The following ME3 variants were observed in gnomAD, a reference collection of about 807,000 sequenced individuals.
The protein encoded by ME3 is malic enzyme 3.
ME3 carries 48 observed loss-of-function variants against 68.9 expected under a neutral mutation model. The observed-to-expected ratio is 0.70, with a 90% confidence interval of 0.55 to 0.89. The LOEUF (loss-of-function observed/expected upper bound fraction) is 0.89. ME3 is among the 40% of genes least tolerant of loss of function. The pLI is 0.00. For synonymous variants in ME3, 320 were observed against 318.8 expected, an observed-to-expected ratio of 1.00 and a Z score of -0.04; for missense variants, 675 against 797.4, an observed-to-expected ratio of 0.85 and a Z score of 1.85.
chr11:86,614,500 C>T (rs558599795), intron 2 of ME3, among the ~76,000 whole-genome samples: 5 of 152,098 alleles, frequency 3.3e-5, no homozygotes, highest in Non-Finnish European at 4.4e-5. Context: ...ACCTGTTTTC[C>T]TTTCTGTCTG....
At chr11:86,593,188 T>A (rs1959154599) in intron 2 of ME3, among the ~76,000 whole-genome samples, 1 of 148,240 alleles carries the variant, frequency 6.7e-6, no homozygotes, top group Non-Finnish European at 1.5e-5. Context: ...CATGATTTCC[T>A]CCACCCTCCT....
intron 2 of ME3, among the ~76,000 whole-genome samples, chr11:86,599,465 C>T (rs540735303): frequency 3.2e-4 from 48 of 152,342 alleles, no homozygotes; most frequent in Admixed American, 7.2e-4. Context: ...AAGACCAAAT[C>T]TGCATCTGAT....
intron 2 of ME3, among the ~76,000 whole-genome samples, chr11:86,604,326 T>C (rs1422979046): frequency 6.6e-6 from 1 of 151,998 alleles, no homozygotes; most frequent in East Asian, 1.9e-4. Context: ...GAACCAGTCT[T>C]TCAGGTTAAA....
chr11:86,570,760 C>T (rs1957745049), intron 2 of ME3, among the ~76,000 whole-genome samples: 1 of 152,176 alleles, frequency 6.6e-6, no homozygotes, highest in South Asian at 2.1e-4. Context: ...CTGCAACCTT[C>T]CATGTATGAC....
At chr11:86,458,264 C>T (rs905325547) in intron 8 of ME3, among the ~76,000 whole-genome samples, 2 of 152,222 alleles carry the variant, frequency 1.3e-5, no homozygotes, top group Admixed American at 1.3e-4. Context: ...ATAAAACTCT[C>T]AAGGAGTTGC....
At chr11:86,573,922 A>G (rs545234832) in intron 2 of ME3, among the ~76,000 whole-genome samples, 1 of 152,180 alleles carries the variant, frequency 6.6e-6, no homozygotes, top group East Asian at 1.9e-4. Context: ...TGTTTATGTG[A>G]TATGTTGCGT....
At chr11:86,530,827 A>T (rs1164889794) in intron 4 of ME3, among the ~76,000 whole-genome samples, 2 of 152,226 alleles carry the variant, frequency 1.3e-5, no homozygotes, top group Non-Finnish European at 2.9e-5. Flanking sequence ...TCCCTTCCTT[A>T]CACCTTATAC....
chr11:86,435,455 A>T, the ME3 span: 1 of 152,214 alleles, frequency 6.6e-6, no homozygotes, highest in African/African-American at 2.4e-5. Flanking sequence ...TTTTCTAGGG[A>T]CATTTACTGA....
At chr11:86,465,007 C>T in intron 8 of ME3, 84 bp downstream of exon 8, 1 of 1,120,656 alleles carries the variant, frequency 8.9e-7, no homozygotes, top group Non-Finnish European at 1.4e-6. Context: ...GGGTGACAGC[C>T]TTTCCTCACC....
At chr11:86,527,413 C>T (rs370196580) in intron 4 of ME3, among the ~76,000 whole-genome samples, 2 of 152,088 alleles carry the variant, frequency 1.3e-5, no homozygotes, top group Non-Finnish European at 2.9e-5. Context: ...AGTGACGGGG[C>T]GAATGGAACC....
At chr11:86,525,584 C>T (rs966711949) in intron 4 of ME3, among the ~76,000 whole-genome samples, 5 of 151,960 alleles carry the variant, frequency 3.3e-5, no homozygotes, top group Non-Finnish European at 4.4e-5. Flanking sequence ...ACACAGAGGC[C>T]GGGTGCAGTG....
intron 4 of ME3, among the ~76,000 whole-genome samples, chr11:86,529,592 G>C (rs1406143539): frequency 6.6e-6 from 1 of 152,070 alleles, no homozygotes; most frequent in African/African-American, 2.4e-5. Context: ...GATGAACATC[G>C]ATGCAAAATT....
intron 2 of ME3, among the ~76,000 whole-genome samples, chr11:86,593,583 C>A (rs1202867628): frequency 1.4e-5 from 2 of 146,394 alleles, no homozygotes; most frequent in African/African-American, 5.0e-5. Context: ...CATTTTCTCC[C>A]AAGTTTGAAA....
intron 7 of ME3, among the ~76,000 whole-genome samples, chr11:86,471,372 G>A (rs111317025): frequency 0.054 from 8,250 of 151,978 alleles, 303 homozygotes; most frequent in Non-Finnish European, 0.084. Flanking sequence ...TTGACCTCAT[G>A]ATCCACCCAC....
chr11:86,545,848 A>G (rs914243395), intron 4 of ME3, among the ~76,000 whole-genome samples: 2 of 152,252 alleles, frequency 1.3e-5, no homozygotes, highest in African/African-American at 2.4e-5. Flanking sequence ...AAGAGCCCAT[A>G]TAGCCAAGAC....
chr11:86,560,700 TG>T (rs1957162009), intron 2 of ME3, among the ~76,000 whole-genome samples: 2 of 110,278 alleles, frequency 1.8e-5, no homozygotes, highest in Non-Finnish European at 3.8e-5. Flanking sequence ...ATGTATATAA[TG>T]ATATGTGTGT....
At chr11:86,510,951 T>G (rs1362360457) in intron 4 of ME3, among the ~76,000 whole-genome samples, 1 of 152,192 alleles carries the variant, frequency 6.6e-6, no homozygotes, top group Non-Finnish European at 1.5e-5. Flanking sequence ...CCTTTCTCAG[T>G]GAATATTTCC....
chr11:86,468,969 T>G (rs1171639601), intron 7 of ME3, among the ~76,000 whole-genome samples: 1 of 152,198 alleles, frequency 6.6e-6, no homozygotes, highest in Non-Finnish European at 1.5e-5. Context: ...TGTACTCTAT[T>G]GCACTTGGTA....
chr11:86,567,229 G>GA, intron 2 of ME3, among the ~76,000 whole-genome samples: 3 of 103,820 alleles, frequency 2.9e-5, no homozygotes, highest in Admixed American at 9.8e-5. Flanking sequence ...AAGAAAGAAA[G>GA]AAAGAAAAGA....
Sources: gnomAD v4.1 joint callset for allele counts (sites outside exome capture counted in the v4.1 genomes callset) on GRCh38, gnomAD v4.1.1 for gene constraint, MANE v1.5 for transcripts, NCBI Gene and HGNC (gene_info 2026-07-23, HGNC 2026-07-21) for gene names.